MMP27: variants seen among roughly 807,000 people sequenced by gnomAD.
MMP27 encodes matrix metalloproteinase-27.
In MMP27, 51 loss-of-function variants were observed where a neutral mutation model predicts 48.1. The ratio of observed to expected loss-of-function variants is 1.06; its 90% CI spans 0.85 to 1.34. MMP27 has a LOEUF of 1.34. Ranked by LOEUF, MMP27 falls within the 40% of genes most tolerant of loss-of-function variation. The pLI, the probability that MMP27 is intolerant of heterozygous loss-of-function variation, is 0.00. For synonymous variants in MMP27, 229 were observed against 208.9 expected, an observed-to-expected ratio of 1.10 and a Z score of -0.83; for missense variants, 698 against 619.3, an observed-to-expected ratio of 1.13 and a Z score of -1.35.
chr11:102,702,909 A>T, intron 3 of MMP27, 28 bp from the exon 4 acceptor site: 1 of 1,611,970 alleles, frequency 6.2e-7, no homozygotes, highest in South Asian at 1.1e-5. Context: ...CGAGGAAAAA[A>T]GATCAGCTTC....
chr11:102,694,315 A>G (rs1860781932), intron 7 of MMP27, among the ~76,000 whole-genome samples: 1 of 152,200 alleles, frequency 6.6e-6, no homozygotes, highest in South Asian at 2.1e-4. Context: ...ATTGCTTTTA[A>G]TTGGCTAACT....
At chr11:102,704,493 A>G (rs757006420) in intron 2 of MMP27, 44 bp downstream of exon 2, 1 of 1,396,394 alleles carries the variant, frequency 7.2e-7, no homozygotes. Flanking sequence ...AATTATCTTT[A>G]TGTTCCTTTG....
intron 7 of MMP27, among the ~76,000 whole-genome samples, chr11:102,694,475 A>G (rs553174048): frequency 1.3e-5 from 2 of 152,320 alleles, no homozygotes; most frequent in African/African-American, 4.8e-5. Flanking sequence ...AAGTGCTCTC[A>G]AAGGCTAGTA....
At chr11:102,695,649 A>G in intron 6 of MMP27, among the ~76,000 whole-genome samples, 1 of 152,182 alleles carries the variant, frequency 6.6e-6, no homozygotes, top group East Asian at 1.9e-4. Flanking sequence ...TGGTGGTGAT[A>G]ACATGTGATT....
At chr11:102,697,271 A>T (rs1315973564) in intron 4 of MMP27, among the ~76,000 whole-genome samples, 1 of 152,212 alleles carries the variant, frequency 6.6e-6, no homozygotes, top group Non-Finnish European at 1.5e-5. Flanking sequence ...TACAGTAAAA[A>T]TATGGTATAA....
At chr11:102,705,557 A>G in intron 1 of MMP27, 56 bp downstream of exon 1, 2 of 1,165,058 alleles carry the variant, frequency 1.7e-6, no homozygotes, top group Non-Finnish European at 2.4e-6. Flanking sequence ...TCCCAAGAGA[A>G]TCAATAAAAT....
chr11:102,693,847 T>G, intron 8 of MMP27, 59 bp downstream of exon 8: 4 of 1,374,504 alleles, frequency 2.9e-6, no homozygotes, highest in Non-Finnish European at 3.9e-6. Flanking sequence ...GTCAAAGTGA[T>G]GCTATTGTGA....
intron 6 of MMP27, 117 bp from the exon 7 acceptor site, chr11:102,695,214 T>A (rs1251298165): frequency 4.8e-5 from 55 of 1,137,156 alleles, no homozygotes; most frequent in Non-Finnish European, 6.3e-5. Flanking sequence ...ATAATTGAGA[T>A]AATTAGCATA....
At chr11:102,703,513 A>G (rs17099425) in intron 2 of MMP27, among the ~76,000 whole-genome samples, 10,542 of 150,958 alleles carry the variant, frequency 0.07, 408 homozygotes, top group Middle Eastern at 0.099. Flanking sequence ...TTGTGCATGT[A>G]CCATATATTA....
intron 1 of MMP27, among the ~76,000 whole-genome samples, chr11:102,705,177 A>T (rs1026525183): frequency 9.2e-5 from 14 of 152,226 alleles, no homozygotes; most frequent in Non-Finnish European, 1.6e-4. Flanking sequence ...CATTTTGCAC[A>T]TGTATTTGCT....
At chr11:102,698,323 C>G (rs189050439) in intron 4 of MMP27, among the ~76,000 whole-genome samples, 3 of 152,046 alleles carry the variant, frequency 2.0e-5, no homozygotes, top group Non-Finnish European at 4.4e-5. Flanking sequence ...CCATCATAAT[C>G]GAATGGGACC....
At chr11:102,698,000 C>A (rs373077108) in intron 4 of MMP27, among the ~76,000 whole-genome samples, 1 of 152,148 alleles carries the variant, frequency 6.6e-6, no homozygotes, top group African/African-American at 2.4e-5. Context: ...CCTAGGATAA[C>A]GATGCCTTCT....
Position 102,704,612 on chromosome 11 carries a change from G to A in MMP27, c.266C>T (p.Pro89Leu). ...GCCCACATCAGGCACCCCACACCTGGGTGTCTTCATGATCTCAAGGGTGTT... is the reference window on the plus strand; with the variant it reads ...GCCCACATCAGGCACCCCACACCTGAGTGTCTTCATGATCTCAAGGGTGTT... ...DSNTLEIMKT[P>L]RCGVPDVGQY... The change falls in exon 2 of 10, where the codon CCC (proline) becomes CTC (leucine). Residue 89 changes from proline to leucine, a missense_variant. Transcript: ENST00000260229. The A allele has an allele frequency of 1.2e-6, 2 of 1,614,114 alleles. No individual in the cohort carries two copies. Among genetic ancestry groups the A allele is most frequent in the Non-Finnish European group, 1.7e-6 (2 of 1,180,006 alleles).
At chr11:102,702,654 T>C in intron 4 of MMP27, 99 bp downstream of exon 4, 3 of 1,362,550 alleles carry the variant, frequency 2.2e-6, no homozygotes, top group East Asian at 2.3e-5. Flanking sequence ...GTGGGGACAT[T>C]GGGAACTTTA....
chr11:102,695,344 TA>T (rs1467130742), intron 6 of MMP27, among the ~76,000 whole-genome samples: 1 of 152,200 alleles, frequency 6.6e-6, no homozygotes. Context: ...ATGGAAATCT[TA>T]TTCTGAGTTC....
At chr11:102,703,528 C>CT (rs35092309) in intron 2 of MMP27, among the ~76,000 whole-genome samples, 10,735 of 148,542 alleles carry the variant, frequency 0.072, 419 homozygotes, top group Middle Eastern at 0.1. Context: ...ATATTAAGAA[C>CT]TTTTTTTTTT....
In MMP27 at chr11:102,691,893, G is replaced by T. The variant is rs61995943; in HGVS notation, c.1415C>A (p.Ser472Ter). The change falls in exon 10 of 10, where the codon TCA becomes TAA. Residue 472 changes from serine to a stop codon, truncating the protein, a stop_gained. Transcript: ENST00000260229. LOFTEE classifies it low-confidence loss of function (END_TRUNC). ...TTCCTTGTTGATATCAAAACCAAAT[G>T]AGGAGTTCTTTGGTTCTTTGCATTG... is the stretch of plus-strand genomic sequence containing the variant. ...WFQCKEPKNS[S>*]FGFDINKEKA... 6.2e-7 allele frequency: 1 copy of T among 1,613,520 alleles called. No individual in the cohort carries two copies.
intron 4 of MMP27, among the ~76,000 whole-genome samples, chr11:102,699,698 T>C (rs1352503978): frequency 6.6e-6 from 1 of 152,214 alleles, no homozygotes; most frequent in African/African-American, 2.4e-5. Flanking sequence ...CTGTGTGTGC[T>C]TTTGGACAAG....
chr11:102,696,001 C>A (rs1055589607), intron 6 of MMP27, among the ~76,000 whole-genome samples: 1 of 152,094 alleles, frequency 6.6e-6, no homozygotes, highest in African/African-American at 2.4e-5. Context: ...TTTCAAGCTG[C>A]CTATGTGATG....
Sources: gnomAD v4.1 joint callset for allele counts (sites outside exome capture counted in the v4.1 genomes callset) on GRCh38, gnomAD v4.1.1 for gene constraint, MANE v1.5 for transcripts, NCBI Gene and HGNC (gene_info 2026-07-23, HGNC 2026-07-21) for gene names.